HHIPL1: variants seen among roughly 807,000 people sequenced by gnomAD.
HHIPL1 encodes the protein HHIP-like protein 1.
In HHIPL1, 43 loss-of-function variants were observed where a neutral mutation model predicts 61.8. That is an observed-to-expected ratio of 0.70 (90% CI 0.55 to 0.90). The LOEUF is 0.90. Among genes scored for constraint, HHIPL1 ranks in the 40% least tolerant of loss-of-function variants. The pLI is 0.00. For synonymous variants in HHIPL1, 482 were observed against 515.8 expected (o/e 0.93, Z 0.89); for missense variants, 1,056 against 1,157.7 (o/e 0.91, Z 1.28).
chr14:99,624,843 G>A, the HHIPL1 span: 2 of 152,266 alleles, frequency 1.3e-5, no homozygotes, highest in African/African-American at 2.4e-5. Flanking sequence ...TCCAAGGCCG[G>A]AAGCAAGCCC....
chr14:99,662,931 A>AT lies in HHIPL1; in HGVS notation c.1559dup (p.Cys521LeufsTer9). ...GACAGGCCAGTGGCAGTACAGTGAGATCTGCATGGGCCACGGCCAGACCTG... is the reference window on the plus strand; with the variant it reads ...GACAGGCCAGTGGCAGTACAGTGAGATTCTGCATGGGCCACGGCCAGACCTG... On this transcript the variant is annotated frameshift_variant, in exon 6 of 9. Coordinates refer to ENST00000330710, the MANE Select transcript of HHIPL1 (RefSeq NM_001127258.3). LOFTEE classifies it high-confidence loss of function. The AT allele has an allele frequency of 6.2e-7, 1 of 1,613,770 alleles. No homozygotes were observed.
intron 2 of HHIPL1, among the ~76,000 whole-genome samples, chr14:99,654,843 A>G (rs2056001875): frequency 6.6e-6 from 1 of 152,236 alleles, no homozygotes; most frequent in Admixed American, 6.5e-5. Context: ...CAAGTTTATC[A>G]CATGGATCTG....
chr14:99,667,505 C>G (rs1041374973), intron 6 of HHIPL1, among the ~76,000 whole-genome samples: 2 of 152,130 alleles, frequency 1.3e-5, no homozygotes, highest in Non-Finnish European at 2.9e-5. Context: ...CAGCGCAGCT[C>G]TGAGATGGGG....
At position 99,660,515 on chromosome 14, in the gene HHIPL1, C is replaced by T. The variant is rs552972157; in HGVS notation, c.1502+109C>T. 5 of 1,370,198 alleles carry T rather than the reference C, an allele frequency of 3.6e-6. No individual in the cohort carries two copies. The highest frequency in any genetic ancestry group is 5.0e-6 in the Non-Finnish European group (5 of 996,784). The allele number at this position is 1,370,198 out of a possible 1,614,324, so 84.9% of individuals were successfully genotyped here. On this transcript the variant is annotated intron_variant, in intron 5 of 8. Transcript: ENST00000330710. The surrounding 1 kb of genome is among the most constrained non-coding windows in gnomAD (Gnocchi z 4.9). ...TGCGCCCGTTCCTGCACATGTGCCT[C>T]GCTGCTCTGACAGGGGCCCCTAGGT...
the HHIPL1 span, among the ~76,000 whole-genome samples, chr14:99,631,048 T>TCTTCTTTCTTTCTTTC: frequency 1.7e-5 from 2 of 120,430 alleles, no homozygotes; most frequent in African/African-American, 6.2e-5. Flanking sequence ...AGTGGCTCCA[T>TCTTCTTTCTTTCTTTC]TTTCTTTCTT....
rs141737445 is a variant in HHIPL1 at position 99,665,784 on chromosome 14, T to C, written c.1649-2438T>C. ...TTGTTGTTGTTGTGGGATTTTTGTT[T>C]TTGTTTGTTTGTTTTGAGACAGGGT... On this transcript the variant is annotated intron_variant, in intron 6 of 8. Transcript: ENST00000330710. Among the ~76,000 whole-genome samples, 9 of 152,140 alleles carry C rather than the reference T, an allele frequency of 5.9e-5. No individual in the cohort carries two copies. The East Asian group carries it at 1.7e-3, about 29-fold the overall frequency.
At chr14:99,664,888 AC>A in intron 6 of HHIPL1, among the ~76,000 whole-genome samples, 1 of 151,744 alleles carries the variant, frequency 6.6e-6, no homozygotes, top group East Asian at 1.9e-4. Context: ...ACCCAAAGAT[AC>A]AGGGGAAATT....
At chr14:99,661,280 A>T (rs1566813195) in intron 5 of HHIPL1, among the ~76,000 whole-genome samples, 1 of 152,104 alleles carries the variant, frequency 6.6e-6, no homozygotes, top group African/African-American at 2.4e-5. Context: ...ATCTTCAGCT[A>T]CCTCATCTGC....
In HHIPL1 at chr14:99,659,580, C is replaced by T. The variant is rs2056109007; in HGVS notation, c.1199C>T (p.Ser400Phe). Residue 400 changes from serine to phenylalanine, a missense_variant, in exon 4 of 9, where the codon TCC becomes TTC. Transcript: ENST00000330710. ...ALGVRNMWRC[S>F]FDRGDPSSGT... is the part of the protein sequence containing the mutation. Reference sequence around the variant, plus strand: ...GGCGTGCGCAACATGTGGCGCTGCTCCTTCGACCGTGGCGACCCCTCCTCG... The same window carrying T: ...GGCGTGCGCAACATGTGGCGCTGCTTCTTCGACCGTGGCGACCCCTCCTCG... 8 of 1,552,758 alleles carry T rather than the reference C, an allele frequency of 5.2e-6. No individual in the cohort carries two copies. The highest frequency in any genetic ancestry group is 6.9e-6 in the Non-Finnish European group (8 of 1,152,190).
rs928409956 is a variant in HHIPL1 at position 99,665,186 on chromosome 14, C to T, written c.1648+2165C>T. On this transcript the variant is annotated intron_variant, in intron 6 of 8. Transcript: ENST00000330710. ...AGGTGACCCCAAAGTGCTGAGATTA[C>T]AGGTGTGAGCTGCCGCGCCCAGCCG... Among the ~76,000 whole-genome samples the T allele has an allele frequency of 5.3e-5, 8 of 152,266 alleles. 1 individual carries two copies. Among genetic ancestry groups the T allele is most frequent in the African/African-American group, 1.4e-4 (6 of 41,548 alleles).
At chr14:99,612,127 G>T in the HHIPL1 span, among the ~76,000 whole-genome samples, 1 of 152,176 alleles carries the variant, frequency 6.6e-6, no homozygotes, top group Non-Finnish European at 1.5e-5. Flanking sequence ...ACAGTTCCGC[G>T]TGGCCAGGGA....
the HHIPL1 span, among the ~76,000 whole-genome samples, chr14:99,620,018 C>T: frequency 6.6e-6 from 1 of 152,200 alleles, no homozygotes; most frequent in African/African-American, 2.4e-5. Flanking sequence ...GCAATCCCCG[C>T]CTGGCACTTC....
At chr14:99,616,599 G>A in the HHIPL1 span, among the ~76,000 whole-genome samples, 1 of 152,172 alleles carries the variant, frequency 6.6e-6, no homozygotes, top group South Asian at 2.1e-4. Context: ...ATCAAATATA[G>A]AGAAAAGTTG....
chr14:99,643,867 G>A (rs2055785619), upstream of HHIPL1, among the ~76,000 whole-genome samples: 1 of 152,202 alleles, frequency 6.6e-6, no homozygotes, highest in Non-Finnish European at 1.5e-5. Flanking sequence ...TGAGGGTCCA[G>A]CTTTGACAAG....
At chr14:99,661,587 C>T (rs2056155054) in intron 5 of HHIPL1, among the ~76,000 whole-genome samples, 1 of 152,118 alleles carries the variant, frequency 6.6e-6, no homozygotes. Flanking sequence ...CCCACCTCAG[C>T]CTCCTGAATA....
intron 6 of HHIPL1, among the ~76,000 whole-genome samples, chr14:99,665,502 G>A (rs983815282): frequency 1.3e-5 from 2 of 152,168 alleles, no homozygotes; most frequent in African/African-American, 4.8e-5. Flanking sequence ...ATGTGGTGGC[G>A]CCATCATGGC....
At chr14:99,657,732 T>G (rs1566810691) in intron 3 of HHIPL1, among the ~76,000 whole-genome samples, 1 of 150,712 alleles carries the variant, frequency 6.6e-6, no homozygotes, top group Admixed American at 6.6e-5. Flanking sequence ...CACACATATA[T>G]ACACACATAC....
At chr14:99,615,682 G>T in the HHIPL1 span, among the ~76,000 whole-genome samples, 2 of 145,342 alleles carry the variant, frequency 1.4e-5, no homozygotes, top group East Asian at 4.0e-4. Flanking sequence ...AAAGAAGGAA[G>T]GAAAGAAAGA....
chr14:99,646,977 C>T (rs905162355), intron 1 of HHIPL1, among the ~76,000 whole-genome samples: 1 of 152,108 alleles, frequency 6.6e-6, no homozygotes, highest in Non-Finnish European at 1.5e-5. Flanking sequence ...TTGGATTTCT[C>T]GAGGGCTTCC....
Sources: allele counts gnomAD v4.1 joint callset (sites outside exome capture counted in the v4.1 genomes callset), GRCh38; gene constraint gnomAD v4.1.1; non-coding constraint Gnocchi (gnomAD v3.1); transcripts MANE v1.5; gene names NCBI Gene and HGNC (gene_info 2026-07-23, HGNC 2026-07-21).